Variants in PRDM11 observed in about 807,000 individuals in gnomAD.
PRDM11 encodes PR/SET domain 11.
Under a neutral mutation model 97.8 loss-of-function variants are expected in PRDM11, and 20 were observed. The ratio of observed to expected loss-of-function variants is 0.20; its 90% CI spans 0.14 to 0.30. The LOEUF is 0.30. Ranked by LOEUF, PRDM11 falls within the 10% of genes least tolerant of loss-of-function variation. PRDM11 has a pLI of 1.00. For missense variants in PRDM11, 1,139 were observed against 1,555.2 expected (o/e 0.73, Z 4.50); for synonymous variants, 599 against 637.7 (o/e 0.94, Z 0.91).
At chr11:45,104,438 G>A (rs951940507) in intron 1 of PRDM11, among the ~76,000 whole-genome samples, 12 of 152,198 alleles carry the variant, frequency 7.9e-5, no homozygotes, top group Non-Finnish European at 1.6e-4. Context: ...ACGAGGACAC[G>A]TGCCCTTCCT....
chr11:45,190,695 A>G (rs1366979959), intron 4 of PRDM11, among the ~76,000 whole-genome samples: 1 of 152,218 alleles, frequency 6.6e-6, no homozygotes, highest in African/African-American at 2.4e-5. Context: ...TGATACATGA[A>G]TGAATGAGTG....
rs779065749 is a variant in PRDM11, at chr11:45,234,627, G to C, written c.*6468G>C. 4 of 152,296 alleles carry C rather than the reference G, an allele frequency of 2.6e-5. No individual in the cohort carries two copies. Among genetic ancestry groups the C allele is most frequent in the African/African-American group, 4.8e-5 (2 of 41,438 alleles). The allele number at this position is 152,296 out of a possible 1,614,324, so 9.4% of individuals were successfully genotyped here. A position where few individuals can be genotyped will look rare whatever the true frequency, so the allele number is the denominator to read the frequency against. ...CCCACAATGCACTGTACCTCAGAGA[G>C]AGAGCACGCCAGGGGCACCAAGGGA... On this transcript the variant is annotated 3_prime_UTR_variant, in exon 8 of 8. Transcript: ENST00000683152.
In PRDM11 at chr11:45,224,886, G is replaced by C. The variant is rs78453301; in HGVS notation, c.1369+43G>C. ...AGATTATTGTCGGAGGGCAGAGTAC[G>C]CAGTGGGCTGTGTGGAGGGTAGCCT... On this transcript the variant is annotated intron_variant, in intron 7 of 7. Coordinates refer to ENST00000683152, the MANE Select transcript of PRDM11 (RefSeq NM_001384648.1). 12 of 1,605,806 alleles carry C rather than the reference G, an allele frequency of 7.5e-6. No individual in the cohort carries two copies. In the African/African-American group the frequency reaches 1.5e-4, roughly 20 times the overall value.
intron 4 of PRDM11, among the ~76,000 whole-genome samples, chr11:45,186,042 G>T (rs1272287204): frequency 6.6e-6 from 1 of 152,064 alleles, no homozygotes; most frequent in Non-Finnish European, 1.5e-5. Context: ...AAAAGTCAAA[G>T]AAACACATTA....
At chr11:45,105,852 T>C (rs953701831) in intron 1 of PRDM11, among the ~76,000 whole-genome samples, 5 of 152,216 alleles carry the variant, frequency 3.3e-5, no homozygotes, top group African/African-American at 1.2e-4. Flanking sequence ...ACAAAGTGCT[T>C]GGTGCTAAGC....
intron 1 of PRDM11, among the ~76,000 whole-genome samples, chr11:45,140,371 A>G (rs1852978211): frequency 2.0e-5 from 3 of 152,350 alleles, no homozygotes; most frequent in Admixed American, 2.0e-4. Context: ...GGGTGGGACT[A>G]GAACCCACAT....
intron 3 of PRDM11, among the ~76,000 whole-genome samples, 162 bp from the exon 4 acceptor site, chr11:45,182,699 C>T (rs1404742998): frequency 6.6e-6 from 1 of 152,198 alleles, no homozygotes; most frequent in Non-Finnish European, 1.5e-5. Context: ...CAGGCCTGTT[C>T]TTGGAGCCCC....
At chr11:45,150,826 G>A (rs151157354) in intron 1 of PRDM11, among the ~76,000 whole-genome samples, 418 of 152,300 alleles carry the variant, frequency 2.7e-3, no homozygotes, top group Non-Finnish European at 4.5e-3. Flanking sequence ...TGTTTTTTGA[G>A]GGCTTATTGT....
At chr11:45,147,151 C>G (rs1030221464) in intron 1 of PRDM11, among the ~76,000 whole-genome samples, 4 of 151,616 alleles carry the variant, frequency 2.6e-5, no homozygotes, top group African/African-American at 9.7e-5. Flanking sequence ...CCTCCTTCCT[C>G]CCAGCTCGCT....
At position 45,224,289 on chromosome 11, in the gene PRDM11, A is replaced by G. The variant is rs1201792976; in HGVS notation, c.815A>G (p.His272Arg). 1.9e-6 allele frequency: 3 copies of G among 1,613,972 alleles called. No individual in the cohort carries two copies. The highest frequency in any genetic ancestry group is 2.5e-6 in the Non-Finnish European group (3 of 1,179,998). Residue 272 changes from histidine to arginine, a missense_variant, in exon 7 of 8, where the codon CAT (histidine) becomes CGT (arginine). Physicochemically the swap from His to Arg is conservative, Grantham distance 29. This residue lies in a region of PRDM11 where 429 missense variants were observed against 510.3 expected (regional missense o/e 0.84). Transcript: ENST00000683152. ...CCAGAAGACCTGAGGGGTCCCATTC[A>G]TCTCTCTGTGCTGAGACAGGGCAAA... Reference protein sequence around the residue: ...DNPEDLRGPIHLSVLRQGKSP... With the variant: ...DNPEDLRGPIRLSVLRQGKSP...
intron 1 of PRDM11, among the ~76,000 whole-genome samples, chr11:45,105,889 G>C (rs1852053708): frequency 6.6e-6 from 1 of 152,214 alleles, no homozygotes; most frequent in African/African-American, 2.4e-5. Flanking sequence ...CCTCTCCAGG[G>C]GTGAGGGTCA....
At chr11:45,128,897 C>G (rs1357527992) in intron 1 of PRDM11, among the ~76,000 whole-genome samples, 2 of 152,104 alleles carry the variant, frequency 1.3e-5, no homozygotes, top group Non-Finnish European at 2.9e-5. Flanking sequence ...CAATATCACT[C>G]ATAAGCATAA....
At position 45,099,382 on chromosome 11, in the gene PRDM11, C is replaced by T. The variant is rs186682288; in HGVS notation, c.96+3481C>T. 7.3e-3 allele frequency among the ~76,000 whole-genome samples: 1,048 copies of T among 144,152 alleles called. 10 individuals are homozygous for T. The highest frequency in any genetic ancestry group is 0.023 in the Middle Eastern group (6 of 266). The allele number at this position is 144,152 out of a possible 152,430, so 94.6% of individuals were successfully genotyped here. On this transcript the variant is annotated intron_variant, in intron 1 of 6. Coordinates refer to the PRDM11 transcript ENST00000530656. ...AGGAGAATTGCTTGAACTCGGGAGG[C>T]GGAGGTTGCAGTGAGCCAAGATCGT... is the stretch of plus-strand genomic sequence containing the variant.
rs1048081625 is a variant in PRDM11 at position 45,223,995 on chromosome 11, A to C, written c.743-222A>C. ...GCTTGTAGACATGAGGCTTCTTGGA[A>C]ACTGTCTCTTTCTAAAAGGTCTTTC... is the stretch of plus-strand genomic sequence containing the variant. On this transcript the variant is annotated intron_variant, in intron 6 of 7. Transcript: ENST00000683152. 2.6e-5 allele frequency among the ~76,000 whole-genome samples: 4 copies of C among 152,180 alleles called. No homozygotes were observed. In the East Asian group the frequency reaches 7.7e-4, roughly 29 times the overall value.
At chr11:45,094,588 G>T (rs1251474179), upstream of PRDM11, among the ~76,000 whole-genome samples, 2 of 118,398 alleles carry the variant, frequency 1.7e-5, no homozygotes, top group Non-Finnish European at 3.8e-5. Context: ...GAGAAGGAAA[G>T]GGAGGGGAGG....
rs1447739721 is a variant in PRDM11 at position 45,219,850 on chromosome 11, C to T, written c.742+93C>T. On this transcript the variant is annotated intron_variant, in intron 6 of 7. Coordinates refer to ENST00000683152, the MANE Select transcript of PRDM11 (RefSeq NM_001384648.1). The surrounding 1 kb of genome is among the most constrained non-coding windows in gnomAD (Gnocchi z 4.2). ...TTGGAGCTTCCTGAGAAATACGGTT[C>T]CCAGCAATGGGAAGACCCAGAGTGA... The T allele has an allele frequency of 1.4e-6, 2 of 1,384,280 alleles. No individual in the cohort carries two copies. The highest frequency in any genetic ancestry group is 2.9e-5 in the African/African-American group (2 of 69,210). 85.7% of individuals were successfully genotyped at this position (1,384,280 alleles called of 1,614,324 possible).
intron 5 of PRDM11, among the ~76,000 whole-genome samples, chr11:45,211,143 C>T (rs550973385): frequency 3.9e-5 from 6 of 152,282 alleles, no homozygotes; most frequent in East Asian, 3.9e-4. Context: ...AGCATCACCT[C>T]GCCGGGTCTC....
chr11:45,109,260 C>T (rs1852123381), intron 1 of PRDM11, among the ~76,000 whole-genome samples: 1 of 152,204 alleles, frequency 6.6e-6, no homozygotes, highest in Admixed American at 6.5e-5. Flanking sequence ...AGGTAGGATG[C>T]AGGCTTGGCA....
intron 4 of PRDM11, among the ~76,000 whole-genome samples, chr11:45,198,596 C>T (rs142143034): frequency 1.0e-3 from 153 of 152,320 alleles, no homozygotes; most frequent in African/African-American, 3.6e-3. Context: ...CTGGTCATGA[C>T]ACCATTTAGA....
Sources: gnomAD v4.1 joint callset for allele counts (sites outside exome capture counted in the v4.1 genomes callset) on GRCh38, gnomAD v4.1.1 for gene constraint, gnomAD v4.1.1 regional missense constraint, Gnocchi (gnomAD v3.1) non-coding constraint, MANE v1.5 for transcripts, NCBI Gene and HGNC (gene_info 2026-07-23, HGNC 2026-07-21) for gene names.